Variants in COBL observed in about 807,000 individuals in gnomAD.
COBL encodes protein cordon-bleu.
COBL carries 51 observed loss-of-function variants against 98.8 expected under a neutral mutation model. That is an observed-to-expected ratio of 0.52 (90% CI 0.41 to 0.65). The LOEUF is 0.65. Ranked by LOEUF, COBL falls within the 30% of genes least tolerant of loss-of-function variation. COBL has a pLI of 0.00. For missense variants in COBL, 1,617 were observed against 1,617.5 expected (o/e 1.00, Z 0.01); for synonymous variants, 634 against 651.7 (o/e 0.97, Z 0.41).
Position 51,085,318 on chromosome 7 carries a change from A to C in COBL, c.958-14T>G. On this transcript the variant is annotated splice_polypyrimidine_tract_variant and intron_variant, in intron 6 of 12. Coordinates refer to ENST00000265136, the MANE Select transcript of COBL (RefSeq NM_015198.5). ...CCCAAGAGATACCTATGAAGTACAAAGAAGGAAAGTACAATCAAAGTACTT... is the reference window on the plus strand; with the variant it reads ...CCCAAGAGATACCTATGAAGTACAACGAAGGAAAGTACAATCAAAGTACTT... The C allele has an allele frequency of 7.9e-7, 1 of 1,273,586 alleles. No individual in the cohort carries two copies. Among genetic ancestry groups the C allele is most frequent in the Non-Finnish European group, 1.1e-6 (1 of 947,378 alleles). 78.9% of individuals were successfully genotyped at this position (1,273,586 alleles called of 1,614,324 possible). A position where few individuals can be genotyped will look rare whatever the true frequency, so the allele number is the denominator to read the frequency against.
chr7:51,070,600 G>A (rs906654124), intron 7 of COBL, among the ~76,000 whole-genome samples: 2 of 152,144 alleles, frequency 1.3e-5, no homozygotes, highest in East Asian at 3.9e-4. Context: ...AGAAAAGTTT[G>A]TTTTGTTATG....
rs370172664 is a variant in COBL, at chr7:51,259,706, C to CATTTCAA, written c.42-39769_42-39763dup. The CATTTCAA allele has an allele frequency of 2.0e-5, 15 of 739,738 alleles. No homozygotes were observed. The African/African-American group carries it at 2.4e-4, about 12-fold the overall frequency. The allele number at this position is 739,738 out of a possible 1,614,324, so 45.8% of individuals were successfully genotyped here. A position where few individuals can be genotyped will look rare whatever the true frequency, so the allele number is the denominator to read the frequency against. Reference sequence around the variant, plus strand: ...CTTATTCTTGACCTTGGCTCATCCACATTTCAAAATGAGTTCCCAGGCAGA... The same window carrying CATTTCAA: ...CTTATTCTTGACCTTGGCTCATCCACATTTCAAATTTCAAAATGAGTTCCCAGGCAGA... On this transcript the variant is annotated intron_variant, in intron 1 of 12. Coordinates refer to ENST00000265136, the MANE Select transcript of COBL (RefSeq NM_015198.5).
chr7:51,216,716 T>C (rs758902733), intron 2 of COBL, among the ~76,000 whole-genome samples: 1 of 152,146 alleles, frequency 6.6e-6, no homozygotes, highest in Non-Finnish European at 1.5e-5. Context: ...ATTATCAGCA[T>C]CCAATTACTA....
chr7:51,098,591 T>C (rs1795523109), intron 6 of COBL, among the ~76,000 whole-genome samples: 2 of 152,172 alleles, frequency 1.3e-5, no homozygotes, highest in African/African-American at 4.8e-5. Context: ...CCCTTACCGT[T>C]AACCATATAA....
chr7:51,259,469 C>T (rs1167155179), intron 1 of COBL: 10 of 564,444 alleles, frequency 1.8e-5, no homozygotes, highest in East Asian at 3.5e-5. Context: ...GTGTTCACCC[C>T]GACAGCCAGG....
chr7:51,245,162 A>C (rs1796180915), intron 1 of COBL, among the ~76,000 whole-genome samples: 1 of 152,024 alleles, frequency 6.6e-6, no homozygotes, highest in Non-Finnish European at 1.5e-5. Context: ...TCCCATGATG[A>C]CCTTCCCTGC....
At chr7:51,240,635 C>T (rs1795701503) in intron 1 of COBL, among the ~76,000 whole-genome samples, 1 of 152,148 alleles carries the variant, frequency 6.6e-6, no homozygotes, top group Non-Finnish European at 1.5e-5. Context: ...CAACCTCCAC[C>T]TCCTGGGTTC....
intron 1 of COBL, among the ~76,000 whole-genome samples, chr7:51,262,388 C>T (rs192149180): frequency 5.3e-5 from 8 of 152,128 alleles, no homozygotes; most frequent in South Asian, 2.1e-4. Context: ...AGTTTCCGGA[C>T]GAAACCGTGT....
At chr7:51,102,710 G>C (rs1795912217) in intron 6 of COBL, among the ~76,000 whole-genome samples, 1 of 152,202 alleles carries the variant, frequency 6.6e-6, no homozygotes, top group Admixed American at 6.5e-5. Context: ...GCAGGATTCA[G>C]CACCTTGCAT....
chr7:51,241,034 G>A (rs1277898354), intron 1 of COBL, among the ~76,000 whole-genome samples: 6 of 152,192 alleles, frequency 3.9e-5, no homozygotes. Context: ...TTTAAAGGCA[G>A]AGCTGTATCT....
rs76313721 is a variant in COBL at position 51,314,789 on chromosome 7, T to G, written c.41+1804A>C. Reference sequence around the variant, plus strand: ...GGGAAAGAACTGAATGCATCAGGAATAATTTCATGTTTTCCATAGCAAAAA... The same window carrying G: ...GGGAAAGAACTGAATGCATCAGGAAGAATTTCATGTTTTCCATAGCAAAAA... On this transcript the variant is annotated intron_variant, in intron 1 of 12. Transcript: ENST00000265136. 3.8e-3 allele frequency among the ~76,000 whole-genome samples: 579 copies of G among 152,306 alleles called. 4 individuals are homozygous for G. The highest frequency in any genetic ancestry group is 6.4e-3 in the Non-Finnish European group (438 of 68,022).
chr7:51,148,567 C>T (rs904391871), intron 5 of COBL, among the ~76,000 whole-genome samples: 2 of 152,216 alleles, frequency 1.3e-5, no homozygotes, highest in Non-Finnish European at 2.9e-5. Flanking sequence ...TCCTGCCTAG[C>T]TGCCATAAAT....
At chr7:51,265,040 C>A (rs773146985) in intron 1 of COBL, among the ~76,000 whole-genome samples, 4 of 152,160 alleles carry the variant, frequency 2.6e-5, no homozygotes, top group African/African-American at 4.8e-5. Context: ...AATGTGAAGG[C>A]CTCCTGAAGG....
rs149751249 is a variant in COBL at position 51,141,982 on chromosome 7, A to T, written c.784-5651T>A. On this transcript the variant is annotated intron_variant, in intron 5 of 12. Coordinates refer to ENST00000265136, the MANE Select transcript of COBL (RefSeq NM_015198.5). ...CCTCAGGGCACAGCCTTCCTGACAG[A>T]CACTCCTTAAGCTGAATCCCTGAGC... Among the ~76,000 whole-genome samples, 107 of 152,242 alleles carry T rather than the reference A, an allele frequency of 7.0e-4. 1 individual carries two copies. Among genetic ancestry groups the T allele is most frequent in the African/African-American group, 2.4e-3 (101 of 41,542 alleles).
chr7:51,233,265 C>T (rs921762947), intron 1 of COBL, among the ~76,000 whole-genome samples: 2 of 152,142 alleles, frequency 1.3e-5, no homozygotes, highest in African/African-American at 2.4e-5. Context: ...AGACCCATGG[C>T]AAAACCGACA....
At chr7:51,303,077 G>A (rs1563146011) in intron 1 of COBL, among the ~76,000 whole-genome samples, 1 of 152,162 alleles carries the variant, frequency 6.6e-6, no homozygotes, top group African/African-American at 2.4e-5. Flanking sequence ...TCACAAATTA[G>A]AATGTTTTAA....
intron 8 of COBL, 61 bp downstream of exon 8, chr7:51,043,322 C>T: frequency 6.6e-7 from 1 of 1,522,018 alleles, no homozygotes; most frequent in Non-Finnish European, 9.0e-7. Flanking sequence ...ACAAAAGACC[C>T]TCTTTAGAGA....
intron 1 of COBL, among the ~76,000 whole-genome samples, chr7:51,286,152 A>G (rs1489489009): frequency 6.6e-6 from 1 of 152,156 alleles, no homozygotes; most frequent in Non-Finnish European, 1.5e-5. Context: ...TAAAACCTTC[A>G]GAAGAAACAT....
At position 51,062,130 on chromosome 7, in the gene COBL, A is replaced by G. The variant is rs142673118; in HGVS notation, c.1097-18438T>C. Among the ~76,000 whole-genome samples the G allele has an allele frequency of 1.9e-3, 292 of 152,288 alleles. 1 individual carries two copies. Among genetic ancestry groups the G allele is most frequent in the Middle Eastern group, 6.8e-3 (2 of 294 alleles). ...CTTCATTATCTTTCTAATGCTTTGA[A>G]TTTGTTCAGAAAATAAAACATACAT... On this transcript the variant is annotated intron_variant, in intron 7 of 12. Coordinates refer to ENST00000265136, the MANE Select transcript of COBL (RefSeq NM_015198.5).
Sources: gnomAD v4.1 joint callset for allele counts (sites outside exome capture counted in the v4.1 genomes callset) on GRCh38, gnomAD v4.1.1 for gene constraint, MANE v1.5 for transcripts, NCBI Gene and HGNC (gene_info 2026-07-23, HGNC 2026-07-21) for gene names.